MNS1: variants seen among roughly 807,000 people sequenced by gnomAD.
MNS1 encodes the protein meiosis-specific nuclear structural protein 1.
Under a neutral mutation model 72.0 loss-of-function variants are expected in MNS1, and 63 were observed. The ratio of observed to expected loss-of-function variants is 0.87; its 90% confidence interval spans 0.71 to 1.08. MNS1 has a LOEUF of 1.08. Ranked by LOEUF, MNS1 falls within the 50% of genes least tolerant of loss-of-function variation. The pLI, the probability that MNS1 is intolerant of heterozygous loss-of-function variation, is 0.00. For synonymous variants in MNS1, 188 were observed against 172.1 expected (o/e 1.09, Z -0.72); for missense variants, 604 against 562.4 (o/e 1.07, Z -0.75).
chr15:56,465,054 G>A lies in MNS1; in HGVS notation c.-82C>T. 6 of 1,563,806 alleles carry A rather than the reference G, an allele frequency of 3.8e-6. No individual in the cohort carries two copies. The highest frequency in any genetic ancestry group is 5.2e-6 in the Non-Finnish European group (6 of 1,155,510). On this transcript the variant is annotated 5_prime_UTR_variant, in exon 1 of 10. Coordinates refer to ENST00000260453, the MANE Select transcript of MNS1 (RefSeq NM_018365.4). ...AAACGCAGCAGCCAGCAGCCCCAAG[G>A]AGCGCACCTGGCTGCGCGCGCTCGG...
intron 8 of MNS1, among the ~76,000 whole-genome samples, chr15:56,432,109 C>T (rs1378916053): frequency 1.3e-5 from 2 of 152,166 alleles, no homozygotes; most frequent in Middle Eastern, 3.4e-3. Flanking sequence ...TCATCCATTC[C>T]TTATAAAGAG....
At chr15:56,463,947 T>G in intron 2 of MNS1, 79 bp downstream of exon 2, 1 of 1,155,724 alleles carries the variant, frequency 8.7e-7, no homozygotes, top group Non-Finnish European at 1.2e-6. Flanking sequence ...ATCTACTCAT[T>G]TCCAGCATTA....
At chr15:56,460,295 T>C (rs1195920602) in intron 2 of MNS1, among the ~76,000 whole-genome samples, 1 of 151,960 alleles carries the variant, frequency 6.6e-6, no homozygotes, top group Non-Finnish European at 1.5e-5. Flanking sequence ...GTGTCTTTCC[T>C]AATCATTTAC....
At chr15:56,455,531 G>A (rs1462227108) in intron 3 of MNS1, among the ~76,000 whole-genome samples, 2 of 152,106 alleles carry the variant, frequency 1.3e-5, no homozygotes, top group African/African-American at 2.4e-5. Flanking sequence ...GCTCAATTAA[G>A]ATAAAATGTA....
chr15:56,463,892 C>G (rs1039831544), intron 2 of MNS1, 134 bp downstream of exon 2: 40 of 703,002 alleles, frequency 5.7e-5, no homozygotes, highest in African/African-American at 4.1e-4. Context: ...ACGATTACAC[C>G]GAGCTGAGGC....
At chr15:56,458,142 T>G (rs886885184) in intron 2 of MNS1, among the ~76,000 whole-genome samples, 3 of 152,232 alleles carry the variant, frequency 2.0e-5, no homozygotes, top group South Asian at 4.1e-4. Context: ...ATGCCATTTA[T>G]GTAACATTCT....
In MNS1 at chr15:56,464,059, T is replaced by C; in HGVS notation, c.192A>G (p.Gln64=). ...TGGCCTCTTCCATATCCAACTCAAA[T>C]TGTTCATTTTGTAATAATCTGAGAA... ...KQFLRLLQNE[Q]FELDMEEAIQ... The change falls in exon 2 of 10, where the codon CAA becomes CAG. Residue 64 remains glutamine, a synonymous_variant. Transcript: ENST00000260453. 6.2e-7 allele frequency: 1 copy of C among 1,613,572 alleles called. No individual in the cohort carries two copies. Among genetic ancestry groups the C allele is most frequent in the Non-Finnish European group, 8.5e-7 (1 of 1,179,878 alleles).
chr15:56,440,251 A>C (rs1338746991), intron 7 of MNS1, among the ~76,000 whole-genome samples: 1 of 152,202 alleles, frequency 6.6e-6, no homozygotes, highest in Non-Finnish European at 1.5e-5. Context: ...AGTGGCTAAA[A>C]TAAAAAATTG....
At chr15:56,453,672 G>A (rs576995253) in intron 3 of MNS1, among the ~76,000 whole-genome samples, 3 of 152,150 alleles carry the variant, frequency 2.0e-5, no homozygotes, top group African/African-American at 7.2e-5. Flanking sequence ...ATTGTTTAGT[G>A]CCATAATTTA....
At chr15:56,434,593 TC>T (rs1364373564) in intron 7 of MNS1, among the ~76,000 whole-genome samples, 198 bp from the exon 8 acceptor site, 2 of 152,142 alleles carry the variant, frequency 1.3e-5, no homozygotes, top group Non-Finnish European at 2.9e-5. Context: ...TGGATTGTTT[TC>T]TGTTACTCAT....
chr15:56,434,052 G>C, intron 8 of MNS1, 86 bp downstream of exon 8: 2 of 1,385,474 alleles, frequency 1.4e-6, no homozygotes, highest in South Asian at 1.4e-5. Context: ...GGCATATAAA[G>C]CTTCTCAGTA....
rs11270961 is a variant in MNS1, at chr15:56,458,560, C to CATAATAGTGGT, written c.226-2040_226-2039insACCACTATTAT. 2.0e-5 allele frequency among the ~76,000 whole-genome samples: 3 copies of CATAATAGTGGT among 152,100 alleles called. 1 individual carries two copies. Among genetic ancestry groups the CATAATAGTGGT allele is most frequent in the Admixed American group, 6.5e-5 (1 of 15,296 alleles). On this transcript the variant is annotated intron_variant, in intron 2 of 9. Coordinates refer to ENST00000260453, the MANE Select transcript of MNS1 (RefSeq NM_018365.4). ...GCAATGCATAATCATATGTATCTAC[C>CATAATAGTGGT]GTACACAATCATTTCACTACCCTAA... is the stretch of plus-strand genomic sequence containing the variant.
In MNS1 at chr15:56,464,259, GA is replaced by G. The variant is rs200229404; in HGVS notation, c.4-13del. 2.5e-3 allele frequency: 3,696 copies of G among 1,500,868 alleles called. 78 individuals carry two copies. The African/African-American group carries it at 0.046, about 19-fold the overall frequency. The allele number at this position is 1,500,868 out of a possible 1,614,324, so 93.0% of individuals were successfully genotyped here. On this transcript the variant is annotated splice_polypyrimidine_tract_variant and intron_variant, in intron 1 of 9. Coordinates refer to ENST00000260453, the MANE Select transcript of MNS1 (RefSeq NM_018365.4). ...CTCCTTTTGGAACCCTACGATGGAA[GA>G]AAAAAAAAGATGCATATTTTGATAT... is the stretch of plus-strand genomic sequence containing the variant.
Sources: gnomAD v4.1 joint callset for allele counts (sites outside exome capture counted in the v4.1 genomes callset) on GRCh38, gnomAD v4.1.1 for gene constraint, MANE v1.5 for transcripts, NCBI Gene and HGNC (gene_info 2026-07-23, HGNC 2026-07-21) for gene names.